PTK2B: variants seen among roughly 807,000 people sequenced by gnomAD.
PTK2B encodes the protein protein-tyrosine kinase 2-beta.
Under a neutral mutation model 142.9 loss-of-function variants are expected in PTK2B, and 71 were observed. The observed-to-expected ratio is 0.50, with a 90% confidence interval of 0.41 to 0.61. The LOEUF is 0.61. PTK2B is among the 20% of genes least tolerant of loss of function. The pLI is 0.00. For synonymous variants in PTK2B, 519 were observed against 503.4 expected (o/e 1.03, Z -0.42); for missense variants, 1,105 against 1,320.4 (o/e 0.84, Z 2.53).
rs9644128 is a variant in PTK2B, at chr8:27,353,667, T to C, written c.-38+27986T>C. Among the ~76,000 whole-genome samples the C allele has an allele frequency of 0.017, 2,525 of 152,292 alleles. 123 individuals are homozygous for C. In the East Asian group the frequency reaches 0.18, roughly 11 times the overall value. On this transcript the variant is annotated intron_variant, in intron 1 of 30. Coordinates refer to ENST00000346049, the MANE Select transcript of PTK2B (RefSeq NM_173176.3). ...ACAGATGAGGCAACTAGGGTAGGGC[T>C]GTTCCCAGGGGAGGCTGTTCAGGAG...
rs1810362541 is a variant in PTK2B, at chr8:27,430,769, CT to C, written c.670-106del. ...CACAGCTGCTTTTGGGGCAAAGGCCCTGGGGATCATTTTCGAGCAGTGGGCA... is the reference window on the plus strand; with the variant it reads ...CACAGCTGCTTTTGGGGCAAAGGCCCGGGGATCATTTTCGAGCAGTGGGCA... On this transcript the variant is annotated intron_variant, in intron 7 of 30. Coordinates refer to ENST00000346049, the MANE Select transcript of PTK2B (RefSeq NM_173176.3). 5 of 1,456,908 alleles carry C rather than the reference CT, an allele frequency of 3.4e-6. No homozygotes were observed. The East Asian group carries it at 1.1e-4, about 33-fold the overall frequency. The allele number at this position is 1,456,908 out of a possible 1,614,324, so 90.2% of individuals were successfully genotyped here. A position where few individuals can be genotyped will look rare whatever the true frequency, so the allele number is the denominator to read the frequency against.
intron 1 of PTK2B, among the ~76,000 whole-genome samples, chr8:27,358,306 G>A (rs1184952510): frequency 6.6e-6 from 1 of 152,162 alleles, no homozygotes; most frequent in African/African-American, 2.4e-5. Context: ...AAGAAGAAAA[G>A]AAGCAATACT....
intron 28 of PTK2B, 93 bp downstream of exon 28, chr8:27,453,253 A>G: frequency 6.5e-7 from 1 of 1,535,112 alleles, no homozygotes; most frequent in South Asian, 1.1e-5. Flanking sequence ...GTTCTCAGAT[A>G]GAATCCAGTT....
intron 23 of PTK2B, among the ~76,000 whole-genome samples, chr8:27,445,272 G>A (rs1202764978): frequency 1.3e-5 from 2 of 152,046 alleles, no homozygotes; most frequent in Non-Finnish European, 2.9e-5. Flanking sequence ...TTCAAGGCAG[G>A]CATGGTGGCA....
chr8:27,347,807 G>A (rs1310950833), intron 1 of PTK2B, among the ~76,000 whole-genome samples: 4 of 152,200 alleles, frequency 2.6e-5, no homozygotes, highest in African/African-American at 9.7e-5. Flanking sequence ...TAGCCAAGCT[G>A]ACTTTACCTA....
chr8:27,359,374 C>T (rs1805568662), intron 1 of PTK2B, among the ~76,000 whole-genome samples: 1 of 152,180 alleles, frequency 6.6e-6, no homozygotes, highest in South Asian at 2.1e-4. Flanking sequence ...CCTCAGCCTC[C>T]CAAAGTGCTG....
intron 24 of PTK2B, 78 bp downstream of exon 24, chr8:27,445,997 C>T: frequency 6.3e-6 from 10 of 1,581,560 alleles, no homozygotes; most frequent in Non-Finnish European, 8.6e-6. Flanking sequence ...CACTGGAAAC[C>T]CCACGTCCTC....
At chr8:27,375,850 C>T (rs1331548070) in intron 1 of PTK2B, among the ~76,000 whole-genome samples, 2 of 152,266 alleles carry the variant, frequency 1.3e-5, no homozygotes, top group African/African-American at 4.8e-5. Context: ...GTGGGCTGCA[C>T]TGGTGAGCAG....
At chr8:27,398,970 A>C (rs1046059467) in intron 2 of PTK2B, among the ~76,000 whole-genome samples, 9 of 152,156 alleles carry the variant, frequency 5.9e-5, no homozygotes, top group African/African-American at 1.9e-4. Context: ...AACTGATTTG[A>C]TTAGGGCCTT....
chr8:27,314,288 C>T (rs1803045630), intron 3 of PTK2B, among the ~76,000 whole-genome samples: 1 of 152,232 alleles, frequency 6.6e-6, no homozygotes. Flanking sequence ...ATGATCAGGC[C>T]AGGCATGGCG....
At chr8:27,314,091 G>A (rs1259979422) in intron 3 of PTK2B, among the ~76,000 whole-genome samples, 2 of 152,196 alleles carry the variant, frequency 1.3e-5, no homozygotes, top group South Asian at 2.1e-4. Flanking sequence ...TGTTCGTAGA[G>A]GCCAAGAAAA....
upstream of PTK2B, among the ~76,000 whole-genome samples, chr8:27,323,728 C>T (rs755684171): frequency 6.6e-5 from 10 of 152,068 alleles, no homozygotes; most frequent in Admixed American, 5.2e-4. Flanking sequence ...GACCTGATGG[C>T]GGAGTTGGCC....
At chr8:27,348,682 T>G (rs1168652523) in intron 1 of PTK2B, among the ~76,000 whole-genome samples, 3 of 152,132 alleles carry the variant, frequency 2.0e-5, no homozygotes, top group African/African-American at 7.2e-5. Context: ...CCAAATTGGT[T>G]GTTGCTTGGC....
intron 1 of PTK2B, among the ~76,000 whole-genome samples, chr8:27,326,390 G>A (rs1016064177): frequency 2.0e-5 from 3 of 152,174 alleles, no homozygotes; most frequent in African/African-American, 7.2e-5. Flanking sequence ...TGAGCGTGGA[G>A]CGGCATATGG....
At chr8:27,455,130 A>G (rs1385941766) in intron 30 of PTK2B, among the ~76,000 whole-genome samples, 1 of 152,084 alleles carries the variant, frequency 6.6e-6, no homozygotes, top group African/African-American at 2.4e-5. Context: ...AAAACATGCC[A>G]CCTTCCATGG....
intron 2 of PTK2B, among the ~76,000 whole-genome samples, chr8:27,312,858 C>T (rs909584154): frequency 2.0e-5 from 3 of 152,148 alleles, no homozygotes; most frequent in African/African-American, 4.8e-5. Flanking sequence ...CATAAGAGCC[C>T]GATTCCAGAG....
intron 2 of PTK2B, among the ~76,000 whole-genome samples, chr8:27,399,589 A>T (rs1808257164): frequency 6.6e-6 from 1 of 152,170 alleles, no homozygotes. Flanking sequence ...CTGGGTGTTT[A>T]AGGGATGAAA....
At chr8:27,323,570 C>T (rs1427046669), upstream of PTK2B, 1 of 152,078 alleles carries the variant, frequency 6.6e-6, no homozygotes, top group African/African-American at 2.4e-5. Context: ...GAGAGCATCG[C>T]CATGGATAGT....
Position 27,458,294 on chromosome 8 carries a change from A to G in PTK2B, c.2815A>G (p.Ile939Val). 1.9e-6 allele frequency: 3 copies of G among 1,613,758 alleles called. No individual in the cohort carries two copies. Among genetic ancestry groups the G allele is most frequent in the Non-Finnish European group, 2.5e-6 (3 of 1,179,796 alleles). Residue 939 changes from isoleucine to valine, a missense_variant and splice_region_variant, in exon 31 of 31, where the codon ATC becomes GTC. Physicochemically the swap from Ile to Val is conservative, Grantham distance 29. Transcript: ENST00000346049. ...PSLPSSSRTE[I>V]EGTQKLLNKD... Reference sequence around the variant, plus strand: ...CCTGTCCTGTGTGATCTTCCTACAGATCGAGGGCACCCAGAAACTGCTCAA... The same window carrying G: ...CCTGTCCTGTGTGATCTTCCTACAGGTCGAGGGCACCCAGAAACTGCTCAA...
Sources: allele counts gnomAD v4.1 joint callset (sites outside exome capture counted in the v4.1 genomes callset), GRCh38; gene constraint gnomAD v4.1.1; transcripts MANE v1.5; gene names NCBI Gene and HGNC (gene_info 2026-07-23, HGNC 2026-07-21).